Variants in MAML2 observed in about 807,000 individuals in gnomAD.
The protein encoded by MAML2 is mastermind-like protein 2.
Under a neutral mutation model 96.1 loss-of-function variants are expected in MAML2, and 22 were observed. The ratio of observed to expected loss-of-function variants is 0.23; its 90% confidence interval spans 0.16 to 0.33. The LOEUF (loss-of-function observed/expected upper bound fraction) is 0.33, where lower values mean the gene tolerates loss of function less well. Ranked by LOEUF, MAML2 falls within the 10% of genes least tolerant of loss-of-function variation. The pLI is 1.00. For synonymous variants in MAML2, 561 were observed against 521.3 expected (o/e 1.08, Z -1.04); for missense variants, 1,367 against 1,392.4 (o/e 0.98, Z 0.29).
chr11:96,207,902 T>C (rs1840642492), intron 1 of MAML2, among the ~76,000 whole-genome samples: 1 of 151,970 alleles, frequency 6.6e-6, no homozygotes, highest in Admixed American at 6.6e-5. Flanking sequence ...AACAAAGAAC[T>C]TTTTTTTAAG....
chr11:96,266,502 C>T (rs1237584476), intron 1 of MAML2, among the ~76,000 whole-genome samples: 9 of 151,378 alleles, frequency 5.9e-5, no homozygotes, highest in African/African-American at 1.9e-4. Flanking sequence ...ACCCAGGAGG[C>T]GGAGCTTGCA....
intron 2 of MAML2, among the ~76,000 whole-genome samples, chr11:96,007,949 C>T (rs1293907223): frequency 6.7e-6 from 1 of 149,832 alleles, no homozygotes; most frequent in East Asian, 2.0e-4. Flanking sequence ...GTGGGTGCAG[C>T]GCACCAGCAT....
chr11:96,238,545 C>G (rs1862393656), intron 1 of MAML2, among the ~76,000 whole-genome samples: 1 of 152,236 alleles, frequency 6.6e-6, no homozygotes. Context: ...AACTCCCTCA[C>G]AATGACATTT....
chr11:95,999,381 C>T (rs543525584), intron 2 of MAML2, among the ~76,000 whole-genome samples: 2 of 152,188 alleles, frequency 1.3e-5, no homozygotes, highest in African/African-American at 4.8e-5. Context: ...AGGACTCTGT[C>T]AGGCAGGATT....
intron 1 of MAML2, among the ~76,000 whole-genome samples, chr11:96,151,660 C>T (rs968864546): frequency 6.6e-6 from 1 of 152,128 alleles, no homozygotes; most frequent in Non-Finnish European, 1.5e-5. Flanking sequence ...TAGCACCTTC[C>T]CCCTCTTCCT....
chr11:96,214,234 T>C (rs971792508), intron 1 of MAML2, among the ~76,000 whole-genome samples: 6 of 152,196 alleles, frequency 3.9e-5, no homozygotes, highest in Non-Finnish European at 8.8e-5. Context: ...ATTTCTAATA[T>C]AGGTCTTTTG....
chr11:96,298,942 G>C (rs1863341259), intron 1 of MAML2, among the ~76,000 whole-genome samples: 1 of 146,006 alleles, frequency 6.8e-6, no homozygotes, highest in South Asian at 2.1e-4. Context: ...CTACTCGGGA[G>C]GCTGAGGCAG....
intron 2 of MAML2, among the ~76,000 whole-genome samples, chr11:96,028,824 A>G (rs955310313): frequency 9.8e-5 from 15 of 152,328 alleles, no homozygotes; most frequent in African/African-American, 3.6e-4. Context: ...TATTGTATTT[A>G]CTTCCTGAAA....
At chr11:95,983,677 G>T (rs961623993) in intron 4 of MAML2, among the ~76,000 whole-genome samples, 28 of 151,840 alleles carry the variant, frequency 1.8e-4, no homozygotes, top group African/African-American at 6.0e-4. Context: ...CCATATATAT[G>T]AACAATTATA....
intron 2 of MAML2, among the ~76,000 whole-genome samples, chr11:96,084,615 G>C (rs1165918621): frequency 1.3e-5 from 2 of 152,200 alleles, no homozygotes; most frequent in Non-Finnish European, 2.9e-5. Context: ...CGATGAAACA[G>C]TCTTAAGTCA....
chr11:96,118,728 G>A (rs939812155), intron 1 of MAML2, among the ~76,000 whole-genome samples: 2 of 152,124 alleles, frequency 1.3e-5, no homozygotes, highest in African/African-American at 4.8e-5. Flanking sequence ...TTGAAGGGAG[G>A]AAAGGAACAG....
At chr11:96,026,466 C>T (rs897934141) in intron 2 of MAML2, among the ~76,000 whole-genome samples, 19 of 152,150 alleles carry the variant, frequency 1.2e-4, no homozygotes, top group African/African-American at 4.1e-4. Context: ...GTAAGAGCAT[C>T]GGCTTCTACC....
chr11:96,315,164 A>G (rs984037225), intron 1 of MAML2, among the ~76,000 whole-genome samples: 9 of 152,206 alleles, frequency 5.9e-5, no homozygotes, highest in African/African-American at 2.2e-4. Context: ...TCCAGGGGAT[A>G]CTTGACAATG....
chr11:96,059,955 G>C (rs1859129304), intron 2 of MAML2, among the ~76,000 whole-genome samples: 1 of 152,150 alleles, frequency 6.6e-6, no homozygotes, highest in Non-Finnish European at 1.5e-5. Flanking sequence ...TGCTAAAAGA[G>C]AAATATGCTA....
chr11:96,047,248 C>T lies in MAML2; in HGVS notation c.2139+44644G>A, dbSNP rs138085825. 1.2e-3 allele frequency among the ~76,000 whole-genome samples: 180 copies of T among 152,286 alleles called. 1 individual carries two copies. The highest frequency in any genetic ancestry group is 4.0e-3 in the African/African-American group (167 of 41,560). ...TAGTTGTTCAATGAATAAATGAGTG[C>T]TTTCCCTTCAAATGCCCCTATTCTA... On this transcript the variant is annotated intron_variant, in intron 2 of 4. Transcript: ENST00000524717.
In MAML2 at chr11:96,228,972, C is replaced by CAAAA. The variant is rs10672512; in HGVS notation, c.513+112407_513+112410dup. 1.3e-3 allele frequency among the ~76,000 whole-genome samples: 197 copies of CAAAA among 148,978 alleles called. 2 individuals carry two copies. The highest frequency in any genetic ancestry group is 3.5e-3 in the Middle Eastern group (1 of 288). On this transcript the variant is annotated intron_variant, in intron 1 of 4. Coordinates refer to ENST00000524717, the MANE Select transcript of MAML2 (RefSeq NM_032427.4). Reference sequence around the variant, plus strand: ...GAAAATGTGGCTACTTCTAGTTGAACAAAAAAAAAATGCTCCCTAGTCTCT... The same window carrying CAAAA: ...GAAAATGTGGCTACTTCTAGTTGAACAAAAAAAAAAAAAATGCTCCCTAGTCTCT...
At chr11:96,007,424 C>A (rs1858200754) in intron 2 of MAML2, among the ~76,000 whole-genome samples, 1 of 152,122 alleles carries the variant, frequency 6.6e-6, no homozygotes, top group East Asian at 1.9e-4. Flanking sequence ...CAGAATAAGG[C>A]AGGTCTATCT....
intron 2 of MAML2, among the ~76,000 whole-genome samples, chr11:96,061,443 A>G (rs1487426391): frequency 6.6e-6 from 1 of 152,206 alleles, no homozygotes; most frequent in East Asian, 1.9e-4. Context: ...TTTCTGAACA[A>G]TGTCTCAGGA....
chr11:96,222,169 C>G (rs1199934007), intron 1 of MAML2, among the ~76,000 whole-genome samples: 1 of 152,184 alleles, frequency 6.6e-6, no homozygotes, highest in African/African-American at 2.4e-5. Flanking sequence ...CCCACTGTTG[C>G]AGACTGGAGG....
Sources: allele counts gnomAD v4.1 joint callset (sites outside exome capture counted in the v4.1 genomes callset), GRCh38; gene constraint gnomAD v4.1.1; transcripts MANE v1.5; gene names NCBI Gene and HGNC (gene_info 2026-07-23, HGNC 2026-07-21).